Variants in ZNF862 observed in about 807,000 individuals in gnomAD.
The protein encoded by ZNF862 is zinc finger protein 862.
A neutral mutation model predicts 91.1 loss-of-function variants in ZNF862; 64 were observed. The observed-to-expected ratio is 0.70, with a 90% CI of 0.57 to 0.87. The LOEUF is 0.87. Among genes scored for constraint, ZNF862 ranks in the 40% least tolerant of loss-of-function variants. The pLI is 0.00. For missense variants in ZNF862, 1,459 were observed against 1,528.0 expected (o/e 0.95, Z 0.75); for synonymous variants, 631 against 618.1 (o/e 1.02, Z -0.31).
chr7:149,860,838 A>G lies in ZNF862; in HGVS notation c.1678A>G (p.Asn560Asp). The change falls in exon 7 of 8, where the codon AAT becomes GAT. Residue 560 changes from asparagine to aspartate, a missense_variant. Coordinates refer to ENST00000223210, the MANE Select transcript of ZNF862 (RefSeq NM_001099220.3). ...CATGGCCAACATGGAGCACTTTTTC[A>G]ATGCCGCCTACTCCATTGCATACCA... ...DLMANMEHFFNAAYSIAYHSR... is the reference protein window; with the variant it reads ...DLMANMEHFFDAAYSIAYHSR... The G allele has an allele frequency of 1.2e-6, 2 of 1,613,658 alleles. No individual in the cohort carries two copies. Among genetic ancestry groups the G allele is most frequent in the Non-Finnish European group, 1.7e-6 (2 of 1,179,896 alleles).
rs1802019333 is a variant in ZNF862, at chr7:149,850,247, C to A, written c.1026C>A (p.Phe342Leu). Residue 342 changes from phenylalanine (F) to leucine (L), a missense_variant, in exon 5 of 8, where the codon TTC becomes TTA. Transcript: ENST00000223210. This position sits in a 1 kb window ranked among gnomAD's most constrained non-coding sequence, Gnocchi z 4.2. ...PVVFEDVAVY[F>L]TREEWGMLDK... ...TGTTCGAGGATGTGGCAGTGTATTT[C>A]ACCCGGGAGGAGTGGGGCATGCTAG... 6.2e-7 allele frequency: 1 copy of A among 1,612,766 alleles called. No individual in the cohort carries two copies. Among genetic ancestry groups the A allele is most frequent in the Non-Finnish European group, 8.5e-7 (1 of 1,179,498 alleles).
rs190489388 is a variant in ZNF862, at chr7:149,851,159, G to T, written c.1117+821G>T. The stretch of plus-strand genomic sequence containing the variant: ...GTCGCCCAAGCTGGAGTGCAGTGGC[G>T]TGATCTTGGTTCACTGCAACCTCTG... On this transcript the variant is annotated intron_variant, in intron 5 of 7. Transcript: ENST00000223210. Among the ~76,000 whole-genome samples the T allele has an allele frequency of 1.1e-3, 168 of 152,330 alleles. 2 individuals are homozygous for T. The highest frequency in any genetic ancestry group is 3.9e-3 in the African/African-American group (162 of 41,568).
At chr7:149,859,854 C>G (rs1200801129) in intron 6 of ZNF862, 1 of 318,704 alleles carries the variant, frequency 3.1e-6, no homozygotes, top group Non-Finnish European at 5.8e-6. Context: ...CATCCCTTCT[C>G]CCTCCTTCTC....
chr7:149,847,884 A>T lies in ZNF862; in HGVS notation c.391A>T (p.Arg131Trp). The change falls in exon 4 of 8, where the codon AGG (arginine) becomes TGG (tryptophan). Residue 131 changes from arginine to tryptophan, a missense_variant. Coordinates refer to ENST00000223210, the MANE Select transcript of ZNF862 (RefSeq NM_001099220.3). ...HIEGDWAGRN[R>W]KLLKPRSIQK... is the part of the protein sequence containing the mutation. Reference sequence around the variant, plus strand: ...CGAGGGAGACTGGGCCGGAAGAAACAGGAAACTTCTGAAGCCCCGGTCCAT... The same window carrying T: ...CGAGGGAGACTGGGCCGGAAGAAACTGGAAACTTCTGAAGCCCCGGTCCAT... 1 of 1,610,222 alleles carries T rather than the reference A, an allele frequency of 6.2e-7. No homozygotes were observed. Among genetic ancestry groups the T allele is most frequent in the Non-Finnish European group, 8.5e-7 (1 of 1,178,116 alleles).
chr7:149,842,380 A>G (rs1411728214), intron 1 of ZNF862, among the ~76,000 whole-genome samples: 1 of 152,264 alleles, frequency 6.6e-6, no homozygotes, highest in Non-Finnish European at 1.5e-5. Context: ...TTTACCTTGT[A>G]GAGAGTGACT....
chr7:149,863,659 G>A (rs914293283), intron 7 of ZNF862, among the ~76,000 whole-genome samples: 14 of 152,226 alleles, frequency 9.2e-5, no homozygotes, highest in African/African-American at 3.1e-4. Context: ...AACAGGACCA[G>A]CACAGATTGG....
In ZNF862 at chr7:149,861,338, CCACCGGCTG is replaced by C. The variant is rs751655700; in HGVS notation, c.2183_2191del (p.Arg728_His730del). 3 of 1,613,004 alleles carry C rather than the reference CCACCGGCTG, an allele frequency of 1.9e-6. No homozygotes were observed. Among genetic ancestry groups the C allele is most frequent in the Middle Eastern group, 3.3e-4 (2 of 6,084 alleles). On this transcript the variant is annotated inframe_deletion, in exon 7 of 8. Transcript: ENST00000223210. The surrounding 1 kb of genome is among the most constrained non-coding windows in gnomAD (Gnocchi z 6.7). ...AGCTGCTGCCTGTCCACTGCGTGGC[CCACCGGCTG>C]CACCTGGCTGTGGTGGACGCCTGCG...
In ZNF862 at chr7:149,861,773, G is replaced by T. The variant is rs373213272; in HGVS notation, c.2613G>T (p.Thr871=). 1.2e-6 allele frequency: 2 copies of T among 1,613,490 alleles called. No individual in the cohort carries two copies. The highest frequency in any genetic ancestry group is 1.7e-6 in the Non-Finnish European group (2 of 1,179,856). The change falls in exon 7 of 8, where the codon ACG becomes ACT. Residue 871 remains threonine (T), a synonymous_variant. Coordinates refer to ENST00000223210, the MANE Select transcript of ZNF862 (RefSeq NM_001099220.3). The surrounding 1 kb of genome is among the most constrained non-coding windows in gnomAD (Gnocchi z 6.7). The part of the protein sequence containing the change: ...EIVLITEVNA[T]LGRAYVALES... Reference sequence around the variant, plus strand: ...TGCTGATTACAGAGGTGAACGCCACGCTGGGCCGCGCCTACGTGGCACTGG... The same window carrying T: ...TGCTGATTACAGAGGTGAACGCCACTCTGGGCCGCGCCTACGTGGCACTGG...
Position 149,860,803 on chromosome 7 carries a change from C to T in ZNF862, c.1643C>T (p.Ser548Phe). 1 of 1,613,846 alleles carries T rather than the reference C, an allele frequency of 6.2e-7. No homozygotes were observed. Among genetic ancestry groups the T allele is most frequent in the Non-Finnish European group, 8.5e-7 (1 of 1,179,894 alleles). The change falls in exon 7 of 8, where the codon TCC (serine) becomes TTC (phenylalanine). Residue 548 changes from serine (S) to phenylalanine (F), a missense_variant. By Grantham distance (155) the Ser-to-Phe change is radical. Coordinates refer to ENST00000223210, the MANE Select transcript of ZNF862 (RefSeq NM_001099220.3). ...CACACTGCCCTCGTTCCAGAGATCT[C>T]CAGCGACCTCATGGCCAACATGGAG... is the stretch of plus-strand genomic sequence containing the variant. ...TPHTALVPEI[S>F]SDLMANMEHF...
intron 1 of ZNF862, chr7:149,840,854 A>G (rs763223875): frequency 4.3e-4 from 324 of 747,188 alleles, no homozygotes; most frequent in Admixed American, 1.6e-3. Context: ...ATGTTCCACA[A>G]TGACAGAACT....
intron 1 of ZNF862, chr7:149,841,627 C>T (rs1451587725): frequency 1.0e-6 from 1 of 985,422 alleles, no homozygotes; most frequent in Non-Finnish European, 1.2e-6. Context: ...CTCTGAAGAA[C>T]ACTGCAGCCC....
rs531391123 is a variant in ZNF862 at position 149,851,558 on chromosome 7, T to C, written c.1117+1220T>C. ...CTCTGCAAAAAGTTGGGTTTTCCTTTAATGTAATCGGCACTAGCGACTCAG... is the reference window on the plus strand; with the variant it reads ...CTCTGCAAAAAGTTGGGTTTTCCTTCAATGTAATCGGCACTAGCGACTCAG... On this transcript the variant is annotated intron_variant, in intron 5 of 7. Coordinates refer to ENST00000223210, the MANE Select transcript of ZNF862 (RefSeq NM_001099220.3). 3 of 152,338 alleles carry C rather than the reference T, an allele frequency of 2.0e-5. No individual in the cohort carries two copies. The East Asian group carries it at 5.8e-4, about 29-fold the overall frequency. The allele number at this position is 152,338 out of a possible 1,614,324, so 9.4% of individuals were successfully genotyped here. A position where few individuals can be genotyped will look rare whatever the true frequency, so the allele number is the denominator to read the frequency against.
intron 1 of ZNF862, chr7:149,841,812 T>C (rs1801716026): frequency 1.1e-6 from 1 of 950,160 alleles, no homozygotes; most frequent in South Asian, 4.8e-5. Flanking sequence ...AACATGGTTC[T>C]ATTATTGCAC....
At chr7:149,839,577 A>G (rs997083061) in intron 1 of ZNF862, among the ~76,000 whole-genome samples, 2 of 152,178 alleles carry the variant, frequency 1.3e-5, no homozygotes, top group Non-Finnish European at 2.9e-5. Context: ...ACACGCCTGA[A>G]AGGGTTGTCC....
chr7:149,859,279 C>T, intron 5 of ZNF862, 143 bp from the exon 6 acceptor site: 1 of 782,460 alleles, frequency 1.3e-6, no homozygotes. Context: ...GGTTTGCGCT[C>T]AGCCTGCCCC....
At chr7:149,857,637 G>A (rs1802307984) in intron 5 of ZNF862, among the ~76,000 whole-genome samples, 1 of 152,144 alleles carries the variant, frequency 6.6e-6, no homozygotes, top group Admixed American at 6.5e-5. Flanking sequence ...GAAACGGACT[G>A]GAAGCCCTGT....
Position 149,867,413 on chromosome 7 carries a change from GT to G in ZNF862, c.*3133del, listed in dbSNP as rs1563132073. The G allele has an allele frequency of 6.6e-6, 1 of 152,206 alleles. No homozygotes were observed. The highest frequency in any genetic ancestry group is 1.5e-5 in the Non-Finnish European group (1 of 68,048). The allele number at this position is 152,206 out of a possible 1,614,324, so 9.4% of individuals were successfully genotyped here. ...CCTCTATTTTCAAAGATGAAAGGAG[GT>G]TTTAAAAACCATGTTTGATTCCTAA... On this transcript the variant is annotated 3_prime_UTR_variant, in exon 8 of 8. Transcript: ENST00000223210.
intron 6 of ZNF862, 194 bp from the exon 7 acceptor site, chr7:149,860,189 G>A: frequency 1.7e-6 from 1 of 601,542 alleles, no homozygotes; most frequent in South Asian, 2.2e-5. Context: ...ACAACTCTGG[G>A]GGAGCCAGAT....
chr7:149,848,160 C>A lies in ZNF862; in HGVS notation c.667C>A (p.Pro223Thr). The change falls in exon 4 of 8, where the codon CCA becomes ACA. Residue 223 changes from proline (P) to threonine (T), a missense_variant. Transcript: ENST00000223210. Reference protein sequence around the residue: ...WAARFRSIRDPPGDVLASPEP... With the variant: ...WAARFRSIRDTPGDVLASPEP... Reference sequence around the variant, plus strand: ...AGCCCGGTTCCGGAGCATCAGAGACCCACCTGGAGATGTTCTGGCCAGCCC... The same window carrying A: ...AGCCCGGTTCCGGAGCATCAGAGACACACCTGGAGATGTTCTGGCCAGCCC... 2 of 1,613,994 alleles carry A rather than the reference C, an allele frequency of 1.2e-6. No homozygotes were observed. The highest frequency in any genetic ancestry group is 1.7e-6 in the Non-Finnish European group (2 of 1,179,884).
Sources: allele counts gnomAD v4.1 joint callset (sites outside exome capture counted in the v4.1 genomes callset), GRCh38; gene constraint gnomAD v4.1.1; non-coding constraint Gnocchi (gnomAD v3.1); transcripts MANE v1.5; gene names NCBI Gene and HGNC (gene_info 2026-07-23, HGNC 2026-07-21).